Variants in KIF1B observed in about 807,000 individuals in gnomAD.
KIF1B encodes kinesin-like protein KIF1B.
KIF1B carries 76 observed loss-of-function variants against 241.9 expected under a neutral mutation model. The ratio of observed to expected loss-of-function variants is 0.31; its 90% confidence interval spans 0.26 to 0.38. The LOEUF (loss-of-function observed/expected upper bound fraction) is 0.38, where lower values mean the gene tolerates loss of function less well. Among genes scored for constraint, KIF1B ranks in the 10% least tolerant of loss-of-function variants. The pLI, the probability that KIF1B is intolerant of heterozygous loss-of-function variation, is 1.00. For missense variants in KIF1B, 1,622 were observed against 2,271.4 expected (o/e 0.71, Z 5.81); for synonymous variants, 750 against 796.7 (o/e 0.94, Z 0.99).
chr1:10,300,259 A>AATAATAATAAT lies in KIF1B; in HGVS notation c.2115+3022_2115+3023insATATAATAATA, dbSNP rs1553165918. 1.2e-4 allele frequency among the ~76,000 whole-genome samples: 18 copies of AATAATAATAAT among 148,600 alleles called. No homozygotes were observed. In the Admixed American group the frequency reaches 1.2e-3, roughly 10 times the overall value. The stretch of plus-strand genomic sequence containing the variant: ...GTCAAATAATAATAATAATAATAAT[A>AATAATAATAAT]ATAATAATATAGATAAATATAAAAA... On this transcript the variant is annotated intron_variant, in intron 22 of 48. Transcript: ENST00000676179.
chr1:10,242,635 G>A lies in KIF1B; in HGVS notation c.106+10201G>A, dbSNP rs191022949. ...GGGTTCAAACAATTCTCCTGCCTAAGCCTCCCAAGTAGCTGGGATTACAGA... is the reference window on the plus strand; with the variant it reads ...GGGTTCAAACAATTCTCCTGCCTAAACCTCCCAAGTAGCTGGGATTACAGA... On this transcript the variant is annotated intron_variant, in intron 2 of 48. Transcript: ENST00000676179. Among the ~76,000 whole-genome samples the A allele has an allele frequency of 3.1e-3, 473 of 152,160 alleles. 4 individuals are homozygous for A. The highest frequency in any genetic ancestry group is 0.011 in the African/African-American group (443 of 41,486).
At position 10,374,396 on chromosome 1, in the gene KIF1B, C is replaced by G. The variant is rs774262341; in HGVS notation, c.5027C>G (p.Pro1676Arg). ...CAGATTGTCCCAGCTGTGGAAACAC[C>G]ATATTTGGCCCGAGCAGGAAAAAAC... ...QFQIVPAVETPYLARAGKNEF... is the reference protein window; with the variant it reads ...QFQIVPAVETRYLARAGKNEF... Residue 1676 changes from proline to arginine, a missense_variant, in exon 46 of 49, where the codon CCA becomes CGA. Around this residue, in one of 7 missense-constraint regions of KIF1B, gnomAD observed 357 missense variants for 409.0 expected, o/e 0.87. Coordinates refer to ENST00000676179, the MANE Select transcript of KIF1B (RefSeq NM_001365951.3). This position sits in a 1 kb window ranked among gnomAD's most constrained non-coding sequence, Gnocchi z 4.3. 1 of 1,614,168 alleles carries G rather than the reference C, an allele frequency of 6.2e-7. No homozygotes were observed. Among genetic ancestry groups the G allele is most frequent in the East Asian group, 2.2e-5 (1 of 44,888 alleles).
rs141691502 is a variant in KIF1B, at chr1:10,255,297, A to G, written c.107-950A>G. On this transcript the variant is annotated intron_variant, in intron 2 of 48. Coordinates refer to ENST00000676179, the MANE Select transcript of KIF1B (RefSeq NM_001365951.3). ...TTCAGGGCTTAACGGGTGCCTTGAA[A>G]TAGTAATGTGGGCCAGGTGCAGTGG... 4.4e-3 allele frequency among the ~76,000 whole-genome samples: 672 copies of G among 152,192 alleles called. 3 individuals carry two copies. Among genetic ancestry groups the G allele is most frequent in the African/African-American group, 0.015 (616 of 41,542 alleles).
At position 10,304,400 on chromosome 1, in the gene KIF1B, C is replaced by G. The variant is rs866635609; in HGVS notation, c.2115+7154C>G. ...TGCCAGGCATCTGCCTCCGCGGAGTCATTAAACTCCCACAGTGGTCACCCC... is the reference window on the plus strand; with the variant it reads ...TGCCAGGCATCTGCCTCCGCGGAGTGATTAAACTCCCACAGTGGTCACCCC... On this transcript the variant is annotated intron_variant, in intron 22 of 48. Transcript: ENST00000676179. 6.2e-7 allele frequency: 1 copy of G among 1,614,122 alleles called. No homozygotes were observed. Among genetic ancestry groups the G allele is most frequent in the Middle Eastern group, 1.7e-4 (1 of 6,060 alleles).
chr1:10,239,800 C>G (rs866711263), intron 2 of KIF1B, among the ~76,000 whole-genome samples: 1 of 151,172 alleles, frequency 6.6e-6, no homozygotes, highest in African/African-American at 2.4e-5. Flanking sequence ...GAGTCTTGCT[C>G]TGTCACCCAG....
chr1:10,347,853 A>G, intron 36 of KIF1B, 26 bp downstream of exon 36: 1 of 1,554,516 alleles, frequency 6.4e-7, no homozygotes, highest in South Asian at 1.1e-5. Flanking sequence ...CAAAACAGGC[A>G]TCGGAGGGAA....
intron 22 of KIF1B, among the ~76,000 whole-genome samples, chr1:10,313,598 T>TGC (rs1461380133): frequency 7.1e-6 from 1 of 141,198 alleles, no homozygotes; most frequent in Non-Finnish European, 1.5e-5. Context: ...TCGCCCAGGC[T>TGC]GGAGTGCAGT....
chr1:10,308,847 A>C (rs912832809), intron 22 of KIF1B, among the ~76,000 whole-genome samples: 2 of 152,200 alleles, frequency 1.3e-5, no homozygotes, highest in African/African-American at 4.8e-5. Flanking sequence ...ACTTACATAA[A>C]ATCTTTTCTC....
chr1:10,318,473 G>C (rs560445634), intron 22 of KIF1B, among the ~76,000 whole-genome samples: 1 of 151,680 alleles, frequency 6.6e-6, no homozygotes, highest in East Asian at 1.9e-4. Flanking sequence ...TGTAATCCCA[G>C]CACTTTGGGA....
At chr1:10,229,869 A>G (rs1227415381) in intron 1 of KIF1B, among the ~76,000 whole-genome samples, 1 of 71,474 alleles carries the variant, frequency 1.4e-5, no homozygotes, top group African/African-American at 5.4e-5. Flanking sequence ...CTCCGTCTCA[A>G]AAAAAAAAAA....
At chr1:10,271,471 G>T in intron 7 of KIF1B, 31 bp from the exon 8 acceptor site, 1 of 1,499,234 alleles carries the variant, frequency 6.7e-7, no homozygotes, top group South Asian at 1.1e-5. Flanking sequence ...GCTTATTTTT[G>T]AATTGCCCCC....
At chr1:10,357,674 C>T (rs996264819) in intron 38 of KIF1B, among the ~76,000 whole-genome samples, 3 of 152,128 alleles carry the variant, frequency 2.0e-5, no homozygotes, top group African/African-American at 4.8e-5. Context: ...TAGATTGCAC[C>T]AGTGCACTCC....
Position 10,258,674 on chromosome 1 carries a change from T to A in KIF1B, c.363+2T>A. On this transcript the variant is annotated splice_donor_variant, in intron 4 of 48. Coordinates refer to ENST00000676179, the MANE Select transcript of KIF1B (RefSeq NM_001365951.3). LOFTEE classifies it high-confidence loss of function. The stretch of plus-strand genomic sequence containing the variant: ...AGCCAGGCTGGCATCATTCCACAGG[T>A]GAAAAACAAAACAAAACAAAAATCT... 6.2e-7 allele frequency: 1 copy of A among 1,614,010 alleles called. No homozygotes were observed. Among genetic ancestry groups the A allele is most frequent in the Non-Finnish European group, 8.5e-7 (1 of 1,179,936 alleles).
chr1:10,326,404 G>A lies in KIF1B; in HGVS notation c.2924+45G>A. The A allele has an allele frequency of 6.2e-7, 1 of 1,612,702 alleles. No individual in the cohort carries two copies. Among genetic ancestry groups the A allele is most frequent in the East Asian group, 2.2e-5 (1 of 44,882 alleles). ...GAAAGGCGAAAAGGGACCAGCTCTT[G>A]CTCTGAAGGCCTCCCTGCTTGCACA... On this transcript the variant is annotated intron_variant, in intron 27 of 48. Transcript: ENST00000676179. The surrounding 1 kb of genome is among the most constrained non-coding windows in gnomAD (Gnocchi z 5.2).
chr1:10,325,405 A>G lies in KIF1B; in HGVS notation c.2675+510A>G, dbSNP rs146098987. The stretch of plus-strand genomic sequence containing the variant: ...CTTAATGAAAACACATAGTGCCTCT[A>G]TGAGTCCATATTGAGTCAAGTGTTC... On this transcript the variant is annotated intron_variant, in intron 26 of 48. Transcript: ENST00000676179. Among the ~76,000 whole-genome samples, 6 of 152,136 alleles carry G rather than the reference A, an allele frequency of 3.9e-5. No individual in the cohort carries two copies. The East Asian group carries it at 9.7e-4, about 24-fold the overall frequency.
chr1:10,301,670 GAAAC>G (rs1384012712), intron 22 of KIF1B, among the ~76,000 whole-genome samples: 1 of 151,730 alleles, frequency 6.6e-6, no homozygotes, highest in African/African-American at 2.4e-5. Context: ...AAAAAAAAAA[GAAAC>G]AAAGAAAGAA....
intron 22 of KIF1B, among the ~76,000 whole-genome samples, chr1:10,315,210 C>T (rs1651250106): frequency 8.0e-6 from 1 of 125,170 alleles, no homozygotes; most frequent in Non-Finnish European, 1.6e-5. Flanking sequence ...GACGGAGTCT[C>T]ACTCTGTTGC....
rs1298491616 is a variant in KIF1B at position 10,278,918 on chromosome 1, A to G, written c.1181-179A>G. The G allele has an allele frequency of 3.4e-5, 17 of 501,900 alleles. No homozygotes were observed. The East Asian group carries it at 4.9e-4, about 15-fold the overall frequency. The allele number at this position is 501,900 out of a possible 1,614,324, so 31.1% of individuals were successfully genotyped here. On this transcript the variant is annotated intron_variant, in intron 13 of 48. Coordinates refer to ENST00000676179, the MANE Select transcript of KIF1B (RefSeq NM_001365951.3). ...GATTTTCAAGGCCTCTTCTAGTTTA[A>G]TTCTTCTTATTGATTAGAGTCCGAG...
At chr1:10,269,260 A>G (rs973539572) in intron 7 of KIF1B, among the ~76,000 whole-genome samples, 10 of 152,184 alleles carry the variant, frequency 6.6e-5, no homozygotes, top group Non-Finnish European at 1.2e-4. Flanking sequence ...CACACCTGTA[A>G]TCCCAGCACT....
Sources: allele counts gnomAD v4.1 joint callset (sites outside exome capture counted in the v4.1 genomes callset), GRCh38; gene constraint gnomAD v4.1.1; regional missense constraint gnomAD v4.1.1; non-coding constraint Gnocchi (gnomAD v3.1); transcripts MANE v1.5; gene names NCBI Gene and HGNC (gene_info 2026-07-23, HGNC 2026-07-21).